SLC2A9: variants seen among roughly 807,000 people sequenced by gnomAD.
SLC2A9 encodes solute carrier family 2, facilitated glucose transporter member 9.
Under a neutral mutation model 50.6 loss-of-function variants are expected in SLC2A9, and 39 were observed. That is an observed-to-expected ratio of 0.77 (90% CI 0.60 to 1.01). The LOEUF is 1.01. Among genes scored for constraint, SLC2A9 ranks in the 50% least tolerant of loss-of-function variants. The probability of loss-of-function intolerance (pLI) is 0.00; values close to 1 mark genes in which losing one functional copy is unlikely to be tolerated. For missense variants in SLC2A9, 686 were observed against 677.6 expected (o/e 1.01, Z -0.14); for synonymous variants, 324 against 276.9 (o/e 1.17, Z -1.69).
At chr4:9,798,453 C>A (rs1018336185), downstream of SLC2A9, among the ~76,000 whole-genome samples, 11 of 152,180 alleles carry the variant, frequency 7.2e-5, no homozygotes, top group African/African-American at 2.7e-4. Flanking sequence ...ATAACCAAAT[C>A]ATAGTAGCAA....
At chr4:10,037,934 G>T (rs1560513941) in intron 1 of SLC2A9, among the ~76,000 whole-genome samples, 1 of 152,060 alleles carries the variant, frequency 6.6e-6, no homozygotes, top group African/African-American at 2.4e-5. Context: ...CTGGGTGACA[G>T]AATGAGACTC....
In SLC2A9 at chr4:9,974,038, T is replaced by A. The variant is rs184588658; in HGVS notation, c.681+6554A>T. ...TTTAACATATGCAAATCAATATAGG[T>A]GATTCACCACAATAGATGCAGAAAA... On this transcript the variant is annotated intron_variant, in intron 5 of 11. Coordinates refer to ENST00000264784, the MANE Select transcript of SLC2A9 (RefSeq NM_020041.3). 7.9e-5 allele frequency among the ~76,000 whole-genome samples: 12 copies of A among 152,066 alleles called. No individual in the cohort carries two copies. In the East Asian group the frequency reaches 2.3e-3, roughly 29 times the overall value.
chr4:9,933,739 T>C (rs1279859847), intron 6 of SLC2A9, among the ~76,000 whole-genome samples: 2 of 152,198 alleles, frequency 1.3e-5, no homozygotes, highest in Admixed American at 6.5e-5. Flanking sequence ...CAGGTGTCAC[T>C]GGATTAAAAT....
At chr4:9,924,439 G>C (rs1246445903) in intron 6 of SLC2A9, among the ~76,000 whole-genome samples, 4 of 152,230 alleles carry the variant, frequency 2.6e-5, no homozygotes, top group Non-Finnish European at 2.9e-5. Context: ...AGACACCTGA[G>C]TGAGTCCTAC....
intron 6 of SLC2A9, among the ~76,000 whole-genome samples, chr4:9,936,050 C>T (rs745950232): frequency 1.8e-4 from 28 of 152,162 alleles, no homozygotes; most frequent in Admixed American, 7.9e-4. Context: ...AGTTGTCTTA[C>T]GCTGCCTCCT....
chr4:9,879,800 C>CT lies in SLC2A9; in HGVS notation c.1291+7766dup. The CT allele has an allele frequency of 3.0e-6, 3 of 985,412 alleles. No homozygotes were observed. In the African/African-American group the frequency reaches 5.2e-5, roughly 17 times the overall value. 61.0% of individuals were successfully genotyped at this position (985,412 alleles called of 1,614,324 possible). The stretch of plus-strand genomic sequence containing the variant: ...ATTGACACATTTTGGCAACGATCTT[C>CT]TTTTTTTAAAAGGTGAAGCTCTTTT... On this transcript the variant is annotated intron_variant, in intron 10 of 11. Coordinates refer to ENST00000264784, the MANE Select transcript of SLC2A9 (RefSeq NM_020041.3).
chr4:10,034,016 C>G (rs1182768451), intron 1 of SLC2A9, among the ~76,000 whole-genome samples: 1 of 152,216 alleles, frequency 6.6e-6, no homozygotes, highest in Non-Finnish European at 1.5e-5. Context: ...ACTCTCTCCC[C>G]TCAGCAGCAC....
intron 7 of SLC2A9, among the ~76,000 whole-genome samples, chr4:9,916,920 T>G (rs1337210757): frequency 2.6e-5 from 4 of 152,336 alleles, no homozygotes; most frequent in Non-Finnish European, 4.4e-5. Flanking sequence ...CATGGGCTGC[T>G]CTGGTGCTGG....
At chr4:10,001,929 C>A (rs374983955) in intron 2 of SLC2A9, among the ~76,000 whole-genome samples, 1 of 152,242 alleles carries the variant, frequency 6.6e-6, no homozygotes, top group African/African-American at 2.4e-5. Flanking sequence ...GCTCTCCCAG[C>A]ATCCTCTGCA....
intron 1 of SLC2A9, among the ~76,000 whole-genome samples, chr4:10,037,760 G>A (rs893250323): frequency 6.6e-6 from 1 of 151,914 alleles, no homozygotes; most frequent in African/African-American, 2.4e-5. Context: ...ACCAGCCTGA[G>A]CGACATGGTG....
chr4:9,906,326 T>C lies in SLC2A9; in HGVS notation c.1113+1909A>G, dbSNP rs73094526. On this transcript the variant is annotated intron_variant, in intron 8 of 11. Coordinates refer to ENST00000264784, the MANE Select transcript of SLC2A9 (RefSeq NM_020041.3). ...ATTCAACAACCTCACCCGCAGACAA[T>C]GGTTAAGGAAATTATCATACAGAAA... is the stretch of plus-strand genomic sequence containing the variant. Among the ~76,000 whole-genome samples, 582 of 152,218 alleles carry C rather than the reference T, an allele frequency of 3.8e-3. 4 individuals are homozygous for C. The highest frequency in any genetic ancestry group is 0.013 in the African/African-American group (533 of 41,526).
intron 6 of SLC2A9, among the ~76,000 whole-genome samples, chr4:9,926,417 T>C (rs761952952): frequency 1.3e-5 from 2 of 149,500 alleles, no homozygotes; most frequent in Non-Finnish European, 3.0e-5. Context: ...CCAGGTGAAG[T>C]ATTTAATGTT....
At chr4:9,964,295 T>A (rs1465105834) in intron 5 of SLC2A9, among the ~76,000 whole-genome samples, 1 of 152,128 alleles carries the variant, frequency 6.6e-6, no homozygotes, top group East Asian at 1.9e-4. Flanking sequence ...CTGGTGCCAG[T>A]TCTGCTGGTC....
chr4:9,936,529 A>G (rs1747114070), intron 6 of SLC2A9, among the ~76,000 whole-genome samples: 1 of 152,218 alleles, frequency 6.6e-6, no homozygotes, highest in African/African-American at 2.4e-5. Context: ...AAGTGTGTCA[A>G]CTTCACGGCT....
intron 3 of SLC2A9, among the ~76,000 whole-genome samples, chr4:9,808,225 T>G (rs766397305): frequency 6.6e-6 from 1 of 152,246 alleles, no homozygotes; most frequent in African/African-American, 2.4e-5. Context: ...GCCAGGCCTC[T>G]TCTCAGAAAA....
upstream of SLC2A9, among the ~76,000 whole-genome samples, chr4:10,026,463 T>C (rs1429738946): frequency 6.6e-6 from 1 of 152,160 alleles, no homozygotes; most frequent in Non-Finnish European, 1.5e-5. Flanking sequence ...GTTTGCTTGT[T>C]TCTCTAAACA....
intron 5 of SLC2A9, among the ~76,000 whole-genome samples, chr4:9,979,856 G>A (rs1173270519): frequency 1.3e-5 from 2 of 151,956 alleles, no homozygotes; most frequent in African/African-American, 2.4e-5. Flanking sequence ...TCTTTCCCAG[G>A]GCTGTGCCCC....
At chr4:9,862,908 G>C (rs886975064) in intron 10 of SLC2A9, among the ~76,000 whole-genome samples, 2 of 151,966 alleles carry the variant, frequency 1.3e-5, no homozygotes, top group Non-Finnish European at 2.9e-5. Flanking sequence ...CATAAGAAGT[G>C]CTTGATTAAT....
chr4:9,819,764 T>C (rs956091318), intron 3 of SLC2A9, among the ~76,000 whole-genome samples: 1 of 152,222 alleles, frequency 6.6e-6, no homozygotes, highest in Non-Finnish European at 1.5e-5. Flanking sequence ...TGAAACCCCA[T>C]TTCCACTAAT....
Sources: gnomAD v4.1 joint callset for allele counts (sites outside exome capture counted in the v4.1 genomes callset) on GRCh38, gnomAD v4.1.1 for gene constraint, MANE v1.5 for transcripts, NCBI Gene and HGNC (gene_info 2026-07-23, HGNC 2026-07-21) for gene names.